Variants in MEIS3 observed in about 807,000 individuals in gnomAD.
MEIS3 encodes Meis homeobox 3.
Under a neutral mutation model 51.4 loss-of-function variants are expected in MEIS3, and 38 were observed. The observed-to-expected ratio is 0.74, with a 90% CI of 0.57 to 0.97. The LOEUF is 0.97. Among genes scored for constraint, MEIS3 ranks in the 50% least tolerant of loss-of-function variants. The pLI, the probability that MEIS3 is intolerant of heterozygous loss-of-function variation, is 0.00. For synonymous variants in MEIS3, 198 were observed against 201.8 expected (o/e 0.98, Z 0.16); for missense variants, 456 against 502.6 (o/e 0.91, Z 0.89).
chr19:47,414,613 G>T lies in MEIS3; in HGVS notation c.597+104C>A. The T allele has an allele frequency of 2.2e-6, 3 of 1,354,730 alleles. No homozygotes were observed. In the South Asian group the frequency reaches 4.2e-5, roughly 19 times the overall value. 83.9% of individuals were successfully genotyped at this position (1,354,730 alleles called of 1,614,324 possible). A position where few individuals can be genotyped will look rare whatever the true frequency, so the allele number is the denominator to read the frequency against. ...CATATGCGTGCCCTGTGATCAGGCT[G>T]ACTGTGGCTTCGTCTGAGGCTGTGT... On this transcript the variant is annotated intron_variant, in intron 6 of 12. Coordinates refer to ENST00000558555, the MANE Select transcript of MEIS3 (RefSeq NM_001301059.2).
Position 47,409,556 on chromosome 19 carries a change from C to T in MEIS3, c.598-9G>A. ...CGAATCCACATATTATTCTAGAAAA[C>T]AAGAGTTAGAAGTTAGTGCCAAGGC... On this transcript the variant is annotated splice_polypyrimidine_tract_variant and intron_variant, in intron 6 of 12. Transcript: ENST00000558555. The T allele has an allele frequency of 6.2e-7, 1 of 1,609,050 alleles. No individual in the cohort carries two copies. The highest frequency in any genetic ancestry group is 8.5e-7 in the Non-Finnish European group (1 of 1,175,516).
At chr19:47,411,844 CT>C (rs1005107429) in intron 6 of MEIS3, among the ~76,000 whole-genome samples, 45 of 148,542 alleles carry the variant, frequency 3.0e-4, no homozygotes, top group African/African-American at 7.6e-4. Flanking sequence ...CCGGCCTTAT[CT>C]TTTTTTTTTC....
intron 4 of MEIS3, 86 bp downstream of exon 4, chr19:47,416,566 G>A: frequency 8.6e-7 from 1 of 1,166,794 alleles, no homozygotes; most frequent in Non-Finnish European, 1.2e-6. Flanking sequence ...CCTTCTCTCT[G>A]CACCCCCCCC....
upstream of MEIS3, among the ~76,000 whole-genome samples, chr19:47,421,459 T>C (rs151105608): frequency 4.5e-4 from 68 of 152,256 alleles, no homozygotes; most frequent in South Asian, 5.8e-3. Context: ...GCAGACCGAA[T>C]GAACGAGGAT....
In MEIS3 at chr19:47,416,973, CAGGAA is replaced by C; in HGVS notation, c.186-15_186-11del. 1 of 1,568,312 alleles carries C rather than the reference CAGGAA, an allele frequency of 6.4e-7. No individual in the cohort carries two copies. The highest frequency in any genetic ancestry group is 8.6e-7 in the Non-Finnish European group (1 of 1,156,802). Reference sequence around the variant, plus strand: ...GGGGAAGAGCGGGTGTCTGGGGAGGCAGGAAAGGAGAGAGGTTGAGGGAGAGGCTG... The same window carrying C: ...GGGGAAGAGCGGGTGTCTGGGGAGGCAGGAGAGAGGTTGAGGGAGAGGCTG... On this transcript the variant is annotated splice_polypyrimidine_tract_variant and intron_variant, in intron 2 of 12. Transcript: ENST00000558555.
intron 2 of MEIS3, 94 bp from the exon 3 acceptor site, chr19:47,417,057 G>C (rs981695563): frequency 5.2e-5 from 80 of 1,528,876 alleles, no homozygotes; most frequent in Non-Finnish European, 6.8e-5. Context: ...GGGGACAAGA[G>C]ACCCAGAGAG....
intron 6 of MEIS3, among the ~76,000 whole-genome samples, chr19:47,412,743 T>A (rs1349651593): frequency 1.3e-5 from 2 of 152,070 alleles, no homozygotes; most frequent in African/African-American, 2.4e-5. Flanking sequence ...TTGTTTTTTT[T>A]ATGTTTAGTA....
rs1279903597 is a variant in MEIS3, at chr19:47,417,853, C to T, written c.13-503G>A. 28 of 609,182 alleles carry T rather than the reference C, an allele frequency of 4.6e-5. No homozygotes were observed. In the Admixed American group the frequency reaches 6.5e-4, roughly 14 times the overall value. The allele number at this position is 609,182 out of a possible 1,614,324, so 37.7% of individuals were successfully genotyped here. A position where few individuals can be genotyped will look rare whatever the true frequency, so the allele number is the denominator to read the frequency against. On this transcript the variant is annotated intron_variant, in intron 1 of 12. Coordinates refer to ENST00000558555, the MANE Select transcript of MEIS3 (RefSeq NM_001301059.2). ...CCACTCGCCACGTGAATCTACCACA[C>T]ATGTAGACACAGCCATACACACCAA...
chr19:47,405,805 C>T (rs1970787424), intron 12 of MEIS3, among the ~76,000 whole-genome samples: 1 of 152,142 alleles, frequency 6.6e-6, no homozygotes, highest in African/African-American at 2.4e-5. Flanking sequence ...CTGCCTCAGC[C>T]TCCTAAAGTG....
At chr19:47,409,862 C>CA (rs555488853) in intron 6 of MEIS3, among the ~76,000 whole-genome samples, 32,725 of 124,372 alleles carry the variant, frequency 0.26, 3,806 homozygotes, top group Middle Eastern at 0.43. Flanking sequence ...GACTCCGTGT[C>CA]AAAAAAAAAA....
chr19:47,414,895 GC>G, intron 5 of MEIS3, 29 bp from the exon 6 acceptor site: 1 of 1,172,672 alleles, frequency 8.5e-7, no homozygotes. Context: ...ACTGGGGGGG[GC>G]CACCCACGGG....
chr19:47,419,128 CG>C lies in MEIS3; in HGVS notation c.-48del. On this transcript the variant is annotated 5_prime_UTR_variant, in exon 1 of 13. Transcript: ENST00000558555. ...CCTGGGTCCCTCCAGAGCCTGGCCG[CG>C]GGGGAGGGCGCAGCCCGGGGCCGCA... 1.6e-6 allele frequency: 2 copies of C among 1,220,808 alleles called. No individual in the cohort carries two copies. The highest frequency in any genetic ancestry group is 2.0e-6 in the Non-Finnish European group (2 of 980,358). The allele number at this position is 1,220,808 out of a possible 1,614,324, so 75.6% of individuals were successfully genotyped here. A position where few individuals can be genotyped will look rare whatever the true frequency, so the allele number is the denominator to read the frequency against.
chr19:47,421,680 C>A (rs1971717952), upstream of MEIS3, among the ~76,000 whole-genome samples: 1 of 151,806 alleles, frequency 6.6e-6, no homozygotes, highest in Admixed American at 6.6e-5. Context: ...GTCTCTGTCT[C>A]CATCTCCGCC....
At chr19:47,417,553 C>G in intron 1 of MEIS3, 1 of 715,700 alleles carries the variant, frequency 1.4e-6, no homozygotes, top group Non-Finnish European at 2.5e-6. Flanking sequence ...GTGAGGACCC[C>G]GTCCAGGCAG....
At chr19:47,409,638 C>T (rs1971029981) in intron 6 of MEIS3, 91 bp from the exon 7 acceptor site, 4 of 809,504 alleles carry the variant, frequency 4.9e-6, no homozygotes, top group Non-Finnish European at 8.3e-6. Context: ...CCAAGGCAGG[C>T]AGATCACAAG....
chr19:47,418,887 A>G (rs1404404801), intron 1 of MEIS3, 183 bp downstream of exon 1: 3 of 385,828 alleles, frequency 7.8e-6, no homozygotes, highest in African/African-American at 7.0e-5. Context: ...AGGAAGAGAC[A>G]CTTGGGGGCA....
At chr19:47,416,592 G>T in intron 4 of MEIS3, 60 bp downstream of exon 4, 2 of 1,357,534 alleles carry the variant, frequency 1.5e-6, no homozygotes. Context: ...CCCCAGGGAT[G>T]GGGCGTCAGG....
chr19:47,420,936 ACACACTCTCT>A (rs1485264077), upstream of MEIS3, among the ~76,000 whole-genome samples: 2 of 93,986 alleles, frequency 2.1e-5, no homozygotes, highest in African/African-American at 1.1e-4. Flanking sequence ...ACACACACAC[ACACACTCTCT>A]CTCTCTCTCT....
intron 11 of MEIS3, 38 bp downstream of exon 11, chr19:47,406,850 G>T (rs760661280): frequency 2.6e-6 from 4 of 1,524,710 alleles, no homozygotes; most frequent in Non-Finnish European, 3.5e-6. Flanking sequence ...GGGTCATGGT[G>T]CGCAGGGGCG....
Sources: allele counts gnomAD v4.1 joint callset (sites outside exome capture counted in the v4.1 genomes callset), GRCh38; gene constraint gnomAD v4.1.1; transcripts MANE v1.5; gene names NCBI Gene and HGNC (gene_info 2026-07-23, HGNC 2026-07-21).